Variants in NRG1 observed in about 807,000 individuals in gnomAD.
NRG1 encodes pro-neuregulin-1, membrane-bound isoform.
NRG1 carries 18 observed loss-of-function variants against 63.8 expected under a neutral mutation model. The observed-to-expected ratio is 0.28, with a 90% CI of 0.19 to 0.42. NRG1 has a LOEUF of 0.42. Ranked by LOEUF, NRG1 falls within the 10% of genes least tolerant of loss-of-function variation. The pLI, the probability that NRG1 is intolerant of heterozygous loss-of-function variation, is 1.00. For synonymous variants in NRG1, 302 were observed against 301.3 expected (o/e 1.00, Z -0.02); for missense variants, 762 against 814.7 (o/e 0.94, Z 0.79).
chr8:32,113,671 A>G (rs1832334648), intron 1 of NRG1, among the ~76,000 whole-genome samples: 1 of 152,226 alleles, frequency 6.6e-6, no homozygotes, highest in Admixed American at 6.5e-5. Flanking sequence ...AAATTTGTCT[A>G]AGGCAGTGGT....
intron 1 of NRG1, among the ~76,000 whole-genome samples, chr8:31,657,533 C>T (rs1805547159): frequency 2.0e-5 from 3 of 152,112 alleles, no homozygotes; most frequent in Admixed American, 2.0e-4. Flanking sequence ...AGGGTTTGTC[C>T]TGAGAATCTG....
intron 1 of NRG1, among the ~76,000 whole-genome samples, chr8:31,863,111 C>G (rs1828625443): frequency 6.6e-6 from 1 of 152,008 alleles, no homozygotes; most frequent in Non-Finnish European, 1.5e-5. Context: ...CTCCAACTAT[C>G]AATCTGCTTG....
At chr8:32,633,982 G>T (rs527828289) in intron 5 of NRG1, among the ~76,000 whole-genome samples, 16 of 149,848 alleles carry the variant, frequency 1.1e-4, no homozygotes, top group Non-Finnish European at 2.2e-4. Flanking sequence ...TCTTTACAAA[G>T]AAATTTTAAA....
At chr8:32,597,678 T>C (rs1843606419) in intron 2 of NRG1, among the ~76,000 whole-genome samples, 1 of 152,180 alleles carries the variant, frequency 6.6e-6, no homozygotes, top group Admixed American at 6.5e-5. Flanking sequence ...TCAAGTCATA[T>C]AACTAGTAAG....
chr8:31,738,351 C>G (rs1400841624), intron 1 of NRG1, among the ~76,000 whole-genome samples: 1 of 152,090 alleles, frequency 6.6e-6, no homozygotes, highest in Non-Finnish European at 1.5e-5. Flanking sequence ...AGCAGGGGTT[C>G]TTACATAGCT....
intron 1 of NRG1, among the ~76,000 whole-genome samples, chr8:31,976,983 A>T (rs567653902): frequency 5.9e-5 from 9 of 152,296 alleles, no homozygotes; most frequent in African/African-American, 1.4e-4. Context: ...TGATGCTAAA[A>T]CATTTAGTAC....
At chr8:32,291,467 A>T (rs1854184559) in intron 1 of NRG1, among the ~76,000 whole-genome samples, 3 of 152,030 alleles carry the variant, frequency 2.0e-5, no homozygotes, top group Admixed American at 2.0e-4. Flanking sequence ...TGAAACGATA[A>T]ATCATGTGTG....
At position 31,640,772 on chromosome 8, in the gene NRG1, G is replaced by T. The variant is rs1300681679; in HGVS notation, c.37+1341G>T. 4 of 1,451,304 alleles carry T rather than the reference G, an allele frequency of 2.8e-6. No individual in the cohort carries two copies. Among genetic ancestry groups the T allele is most frequent in the South Asian group, 1.5e-5 (1 of 68,722 alleles). 89.9% of individuals were successfully genotyped at this position (1,451,304 alleles called of 1,614,324 possible). A position where few individuals can be genotyped will look rare whatever the true frequency, so the allele number is the denominator to read the frequency against. ...GGGGGCGCGAACCCGCGGCGAGGAG[G>T]GCGCATCCCGGGCGCGCGGGCAGCG... is the stretch of plus-strand genomic sequence containing the variant. On this transcript the variant is annotated intron_variant, in intron 1 of 10. Transcript: ENST00000519301. This position sits in a 1 kb window ranked among gnomAD's most constrained non-coding sequence, Gnocchi z 6.3.
chr8:31,770,240 G>C (rs766313812), intron 1 of NRG1, among the ~76,000 whole-genome samples: 2 of 152,106 alleles, frequency 1.3e-5, no homozygotes, highest in African/African-American at 2.4e-5. Flanking sequence ...TGTGAGTTAA[G>C]AAAAACTTCT....
intron 1 of NRG1, among the ~76,000 whole-genome samples, chr8:32,445,600 C>T (rs1260482165): frequency 1.3e-5 from 2 of 152,256 alleles, no homozygotes; most frequent in Middle Eastern, 6.8e-3. Context: ...ACCAAAAAAA[C>T]AAACAACAAT....
chr8:31,890,021 G>C (rs1261400185), intron 1 of NRG1, among the ~76,000 whole-genome samples: 1 of 152,180 alleles, frequency 6.6e-6, no homozygotes, highest in Non-Finnish European at 1.5e-5. Flanking sequence ...TCAACATTTT[G>C]GGCAAGATAC....
chr8:32,015,922 T>C (rs746291143), intron 1 of NRG1, among the ~76,000 whole-genome samples: 11 of 152,108 alleles, frequency 7.2e-5, no homozygotes, highest in Admixed American at 1.3e-4. Context: ...CATTATGTTT[T>C]CAAATACAAT....
intron 1 of NRG1, among the ~76,000 whole-genome samples, chr8:31,725,287 G>T (rs186107626): frequency 3.3e-5 from 5 of 152,184 alleles, no homozygotes; most frequent in Admixed American, 2.0e-4. Context: ...TTGACTCCAG[G>T]CTCTCTCTCT....
intron 1 of NRG1, among the ~76,000 whole-genome samples, chr8:32,499,159 T>G (rs1827565951): frequency 6.6e-6 from 1 of 152,208 alleles, no homozygotes. Context: ...AGGCTCCTAG[T>G]ACTGGAAATA....
At chr8:32,137,465 G>A (rs1217110748) in intron 1 of NRG1, among the ~76,000 whole-genome samples, 3 of 151,908 alleles carry the variant, frequency 2.0e-5, no homozygotes, top group Non-Finnish European at 4.4e-5. Flanking sequence ...TAAAATAAAA[G>A]ACATTAGCCA....
At chr8:32,596,133 T>C in intron 2 of NRG1, 128 bp downstream of exon 2, 2 of 727,942 alleles carry the variant, frequency 2.7e-6, no homozygotes, top group Non-Finnish European at 4.1e-6. Flanking sequence ...AGCTGTTTCA[T>C]TATATAATGA....
intron 5 of NRG1, among the ~76,000 whole-genome samples, chr8:32,644,438 A>C (rs1321689232): frequency 6.7e-6 from 1 of 150,032 alleles, no homozygotes; most frequent in Non-Finnish European, 1.5e-5. Flanking sequence ...GATTTGATGA[A>C]GGCAGAAAGG....
chr8:32,683,604 AG>A (rs1305111526), intron 5 of NRG1, among the ~76,000 whole-genome samples: 2 of 152,170 alleles, frequency 1.3e-5, no homozygotes, highest in Non-Finnish European at 1.5e-5. Flanking sequence ...TGCCAGGAGA[AG>A]GGTTGCCTCA....
chr8:31,742,009 G>A (rs1815325474), intron 1 of NRG1, among the ~76,000 whole-genome samples: 1 of 151,994 alleles, frequency 6.6e-6, no homozygotes, highest in South Asian at 2.1e-4. Flanking sequence ...GTGCTATACA[G>A]CTGTTAAAAA....
Sources: gnomAD v4.1 joint callset for allele counts (sites outside exome capture counted in the v4.1 genomes callset) on GRCh38, gnomAD v4.1.1 for gene constraint, Gnocchi (gnomAD v3.1) non-coding constraint, MANE v1.5 for transcripts, NCBI Gene and HGNC (gene_info 2026-07-23, HGNC 2026-07-21) for gene names.